HTR2C: variants seen among roughly 807,000 people sequenced by gnomAD.
HTR2C encodes 5-hydroxytryptamine receptor 2C.
Under a neutral mutation model 21.0 loss-of-function variants are expected in HTR2C, and 5 were observed. The observed-to-expected ratio is 0.24, with a 90% confidence interval of 0.12 to 0.50. The LOEUF is 0.50. HTR2C is among the 20% of genes least tolerant of loss of function. The pLI, the probability that HTR2C is intolerant of heterozygous loss-of-function variation, is 0.98. For synonymous variants in HTR2C, 150 were observed against 145.3 expected (o/e 1.03, Z -0.23); for missense variants, 271 against 371.2 (o/e 0.73, Z 2.22).
intron 2 of HTR2C, among the ~76,000 whole-genome samples, chrX:114,706,787 C>T (rs1469034301): frequency 1.8e-5 from 2 of 110,825 alleles, no homozygotes; most frequent in Non-Finnish European, 3.8e-5. Context: ...ATACAATCTG[C>T]AGCTGGCTTC....
intron 4 of HTR2C, among the ~76,000 whole-genome samples, chrX:114,831,658 C>T (rs1556461044): frequency 9.2e-6 from 1 of 108,216 alleles, no homozygotes; most frequent in Admixed American, 9.9e-5. Flanking sequence ...TGCTTGTTCA[C>T]TCTGATGGTA....
intron 2 of HTR2C, among the ~76,000 whole-genome samples, chrX:114,722,300 T>C (rs1403181821): frequency 1.8e-5 from 2 of 111,251 alleles, no homozygotes; most frequent in Non-Finnish European, 3.8e-5. Context: ...GGAGTTCACT[T>C]ATGATTTGGC....
At chrX:114,749,680 G>A (rs782789946) in intron 4 of HTR2C, among the ~76,000 whole-genome samples, 39 of 109,327 alleles carry the variant, frequency 3.6e-4, no homozygotes, top group Middle Eastern at 4.8e-3. Flanking sequence ...CAACCTGAGT[G>A]ACAGAGTAAG....
intron 5 of HTR2C, among the ~76,000 whole-genome samples, chrX:114,875,085 A>G (rs2071122868): frequency 9.0e-6 from 1 of 111,166 alleles, no homozygotes; most frequent in Non-Finnish European, 1.9e-5. Context: ...GTGTCTGGTA[A>G]GGGCCCACTT....
intron 4 of HTR2C, among the ~76,000 whole-genome samples, chrX:114,811,562 A>T (rs782140285): frequency 6.1e-4 from 68 of 112,389 alleles, no homozygotes; most frequent in African/African-American, 2.0e-3. Context: ...TGTCTGCCTT[A>T]GTGAAAAGAC....
intron 4 of HTR2C, among the ~76,000 whole-genome samples, chrX:114,789,358 C>T (rs782092941): frequency 3.6e-5 from 4 of 111,458 alleles, no homozygotes; most frequent in Non-Finnish European, 7.5e-5. Flanking sequence ...ACGGAATATC[C>T]TCGTGCTTCT....
At chrX:114,776,767 CT>C in intron 4 of HTR2C, 1 of 355,770 alleles carries the variant, frequency 2.8e-6, no homozygotes, top group Non-Finnish European at 5.2e-6. Context: ...CTGCAGGTCC[CT>C]TCGACATGGT....
chrX:114,715,248 A>G, intron 2 of HTR2C: 2 of 373,985 alleles, frequency 5.3e-6, no homozygotes, highest in Non-Finnish European at 1.1e-5. Context: ...AGGAGTTAAG[A>G]GTTCATTCGG....
rs35975864 is a variant in HTR2C at position 114,628,405 on chromosome X, ATTTTT to A, written c.-80+14545_-80+14549del. ...AGGCGTGCACCACCATGCCAGGCTA[ATTTTT>A]TTTTTTTTTTTTTTTTTTTTGCATT... On this transcript the variant is annotated intron_variant, in intron 2 of 5. Transcript: ENST00000276198. 2.1e-4 allele frequency among the ~76,000 whole-genome samples: 9 copies of A among 43,888 alleles called. No individual in the cohort carries two copies. In the Admixed American group the frequency reaches 2.3e-3, roughly 11 times the overall value. The allele number at this position is 43,888 out of a possible 115,157, so 38.1% of individuals were successfully genotyped here.
intron 1 of HTR2C, among the ~76,000 whole-genome samples, chrX:114,612,303 A>C (rs1928774304): frequency 8.9e-6 from 1 of 111,890 alleles, no homozygotes; most frequent in African/African-American, 3.3e-5. Context: ...AATTTTACTT[A>C]CTAGGCTGAG....
At chrX:114,675,792 G>A (rs146699879) in intron 2 of HTR2C, among the ~76,000 whole-genome samples, 5,029 of 111,160 alleles carry the variant, frequency 0.045, 103 homozygotes, top group Non-Finnish European at 0.069. Context: ...TCAAAGTAAT[G>A]GCAGTTGCCA....
chrX:114,792,628 A>G (rs2070245673), intron 4 of HTR2C, among the ~76,000 whole-genome samples: 1 of 111,794 alleles, frequency 8.9e-6, no homozygotes, highest in Non-Finnish European at 1.9e-5. Context: ...TCCCTTGGGT[A>G]TACCCAGTAG....
chrX:114,904,455 C>T (rs782398160), intron 5 of HTR2C, among the ~76,000 whole-genome samples: 86 of 111,228 alleles, frequency 7.7e-4, no homozygotes, highest in African/African-American at 2.8e-3. Flanking sequence ...AAAGAGCTGT[C>T]TTTTTATATA....
intron 4 of HTR2C, among the ~76,000 whole-genome samples, chrX:114,803,999 T>C (rs898927622): frequency 8.9e-6 from 1 of 112,064 alleles, no homozygotes; most frequent in Non-Finnish European, 1.9e-5. Context: ...GCTGGAGATA[T>C]AATAGTAAAC....
intron 2 of HTR2C, among the ~76,000 whole-genome samples, chrX:114,637,046 T>TA (rs1260462347): frequency 1.8e-5 from 2 of 111,691 alleles, no homozygotes; most frequent in African/African-American, 6.5e-5. Flanking sequence ...ACTAATTTTT[T>TA]AAAAAAATAA....
In HTR2C at chrX:114,906,780, T is replaced by C; in HGVS notation, c.742T>C (p.Leu248=). ...CGTTCTGCGCCGACAAGCTTTGATGTTACTGCACGGCCACACCGAGGAACC... is the reference window on the plus strand; with the variant it reads ...CGTTCTGCGCCGACAAGCTTTGATGCTACTGCACGGCCACACCGAGGAACC... ...IYVLRRQALM[L]LHGHTEEPPG... Residue 248 remains leucine, a synonymous_variant, in exon 6 of 6, where the codon TTA becomes CTA. Transcript: ENST00000276198. 1 of 1,210,933 alleles carries C rather than the reference T, an allele frequency of 8.3e-7. No individual in the cohort carries two copies. The highest frequency in any genetic ancestry group is 1.1e-6 in the Non-Finnish European group (1 of 895,234).
intron 4 of HTR2C, among the ~76,000 whole-genome samples, chrX:114,758,670 A>G (rs150700977): frequency 1.8e-5 from 2 of 112,292 alleles, no homozygotes; most frequent in East Asian, 5.6e-4. Context: ...TAAACAAAAC[A>G]GAAGAAGCAC....
intron 4 of HTR2C, among the ~76,000 whole-genome samples, chrX:114,763,945 T>C (rs2147381834): frequency 8.9e-6 from 1 of 111,894 alleles, no homozygotes; most frequent in African/African-American, 3.2e-5. Context: ...CCGGGTAAGT[T>C]TCCATTCTAA....
chrX:114,770,614 A>G (rs2147389297), intron 4 of HTR2C, among the ~76,000 whole-genome samples: 1 of 110,688 alleles, frequency 9.0e-6, no homozygotes, highest in South Asian at 3.8e-4. Flanking sequence ...GAGCATTATC[A>G]TCATAGTTTT....
Sources: gnomAD v4.1 joint callset for allele counts (sites outside exome capture counted in the v4.1 genomes callset) on GRCh38, gnomAD v4.1.1 for gene constraint, MANE v1.5 for transcripts, NCBI Gene and HGNC (gene_info 2026-07-23, HGNC 2026-07-21) for gene names.